The following KIF18B variants were observed in gnomAD, a reference collection of about 807,000 sequenced individuals.
KIF18B encodes the protein kinesin family member 18B.
KIF18B carries 49 observed loss-of-function variants against 80.9 expected under a neutral mutation model. The ratio of observed to expected loss-of-function variants is 0.61; its 90% CI spans 0.48 to 0.77. KIF18B has a LOEUF of 0.77. KIF18B is among the 30% of genes least tolerant of loss of function. The pLI is 0.00. For missense variants in KIF18B, 994 were observed against 1,127.7 expected (o/e 0.88, Z 1.70); for synonymous variants, 439 against 463.9 (o/e 0.95, Z 0.69).
At chr17:44,933,038 A>G in intron 7 of KIF18B, 52 bp from the exon 8 acceptor site, 1 of 1,545,726 alleles carries the variant, frequency 6.5e-7, no homozygotes, top group Non-Finnish European at 8.9e-7. Flanking sequence ...AGCAGCTTTT[A>G]TCAGCCACCG....
rs781348504 is a variant in KIF18B at position 44,939,366 on chromosome 17, C to CAAAAAAAA, written c.-14-3016_-14-3009dup. On this transcript the variant is annotated intron_variant, in intron 1 of 15. Coordinates refer to ENST00000593135, the MANE Select transcript of KIF18B (RefSeq NM_001265577.2). ...AGCCTGGGTGACAGAGACTCCATCTCAAAAAAAAAAAAAAAAAAAAAAAAA... is the reference window on the plus strand; with the variant it reads ...AGCCTGGGTGACAGAGACTCCATCTCAAAAAAAAAAAAAAAAAAAAAAAAAAAAAAAAA... 5.4e-3 allele frequency among the ~76,000 whole-genome samples: 200 copies of CAAAAAAAA among 36,928 alleles called. 8 individuals carry two copies. The highest frequency in any genetic ancestry group is 7.9e-3 in the East Asian group (8 of 1,010). 24.2% of individuals were successfully genotyped at this position (36,928 alleles called of 152,430 possible). A position where few individuals can be genotyped will look rare whatever the true frequency, so the allele number is the denominator to read the frequency against.
At chr17:44,939,366 CAAAAAAAAAAAAAAAA>C (rs781348504) in intron 1 of KIF18B, among the ~76,000 whole-genome samples, 2 of 36,942 alleles carry the variant, frequency 5.4e-5, no homozygotes, top group African/African-American at 2.1e-4. Context: ...GACTCCATCT[CAAAAAAAAAAAAAAAA>C]AAAAAAAAAA....
Position 44,927,209 on chromosome 17 carries a change from C to T in KIF18B, c.2277-131G>A. ...GACAAGATGACCTCTGAGGTTTCTT[C>T]TACAAAGAGGTGGATTCCTCTCTCT... On this transcript the variant is annotated intron_variant, in intron 13 of 15. Coordinates refer to ENST00000593135, the MANE Select transcript of KIF18B (RefSeq NM_001265577.2). The surrounding 1 kb of genome is among the most constrained non-coding windows in gnomAD (Gnocchi z 4.1). The T allele has an allele frequency of 3.1e-6, 2 of 638,946 alleles. No homozygotes were observed. Among genetic ancestry groups the T allele is most frequent in the Non-Finnish European group, 5.4e-6 (2 of 372,014 alleles). The allele number at this position is 638,946 out of a possible 1,614,324, so 39.6% of individuals were successfully genotyped here.
chr17:44,940,613 T>G (rs574812739), intron 1 of KIF18B, among the ~76,000 whole-genome samples: 1 of 152,306 alleles, frequency 6.6e-6, no homozygotes, highest in Non-Finnish European at 1.5e-5. Context: ...CTGGAAAAGT[T>G]CAGCCCAACT....
In KIF18B at chr17:44,934,964, A is replaced by G; in HGVS notation, c.472-29T>C. 1 of 1,456,974 alleles carries G rather than the reference A, an allele frequency of 6.9e-7. No individual in the cohort carries two copies. The highest frequency in any genetic ancestry group is 1.2e-5 in the South Asian group (1 of 80,448). 90.3% of individuals were successfully genotyped at this position (1,456,974 alleles called of 1,614,324 possible). On this transcript the variant is annotated intron_variant, in intron 3 of 15. Coordinates refer to ENST00000593135, the MANE Select transcript of KIF18B (RefSeq NM_001265577.2). The surrounding 1 kb of genome is among the most constrained non-coding windows in gnomAD (Gnocchi z 5.4). ...AGAAAGGAAGAAAGGAAGAGGCCTGAGGGAGAGCGGCCCATCAGGAAACCT... is the reference window on the plus strand; with the variant it reads ...AGAAAGGAAGAAAGGAAGAGGCCTGGGGGAGAGCGGCCCATCAGGAAACCT...
chr17:44,932,853 C>T, intron 8 of KIF18B, 59 bp downstream of exon 8: 1 of 1,583,508 alleles, frequency 6.3e-7, no homozygotes, highest in South Asian at 1.1e-5. Context: ...CCGCCACACC[C>T]TCAAGCTCCT....
rs2052027136 is a variant in KIF18B at position 44,926,433 on chromosome 17, A to C, written c.2433T>G (p.Ala811=). The C allele has an allele frequency of 3.8e-6, 6 of 1,579,674 alleles. No homozygotes were observed. The highest frequency in any genetic ancestry group is 5.2e-6 in the Non-Finnish European group (6 of 1,163,032). Residue 811 remains alanine (A), a synonymous_variant, in exon 15 of 16, where the codon GCT becomes GCG. Transcript: ENST00000593135. The part of the protein sequence containing the change: ...RLPSSTLKRP[A]GPLVLPELPL... ...AGTCACCTGGGAGTACAAGGGGCCC[A>C]GCTGGCCTCTTCAAAGTGCTGCTGG...
At chr17:44,936,996 A>G (rs547207492) in intron 1 of KIF18B, among the ~76,000 whole-genome samples, 2 of 150,584 alleles carry the variant, frequency 1.3e-5, no homozygotes, top group Admixed American at 1.3e-4. Context: ...ATGTTCCACA[A>G]ATCCATTTGT....
intron 10 of KIF18B, 34 bp downstream of exon 10, chr17:44,932,022 C>G (rs1335750793): frequency 1.3e-6 from 2 of 1,583,388 alleles, no homozygotes; most frequent in Non-Finnish European, 1.7e-6. Context: ...TCCAAGCCCT[C>G]CCGATACCCA....
Position 44,932,645 on chromosome 17 carries a change from G to T in KIF18B, c.1238+28C>A, listed in dbSNP as rs377527109. 5.4e-5 allele frequency: 67 copies of T among 1,234,042 alleles called. 2 individuals are homozygous for T. In the African/African-American group the frequency reaches 8.3e-4, roughly 15 times the overall value. 76.4% of individuals were successfully genotyped at this position (1,234,042 alleles called of 1,614,324 possible). On this transcript the variant is annotated intron_variant, in intron 9 of 15. Coordinates refer to ENST00000593135, the MANE Select transcript of KIF18B (RefSeq NM_001265577.2). ...CCCCATCCTGGCTGAGCTGCAGGGTGGGGGCGGGAATGGGCAGTGGAACTC... is the reference window on the plus strand; with the variant it reads ...CCCCATCCTGGCTGAGCTGCAGGGTTGGGGCGGGAATGGGCAGTGGAACTC...
rs1379181215 is a variant in KIF18B, at chr17:44,928,045, C to A, written c.2257G>T (p.Asp753Tyr). ...ACCCACCTGGGGATGAAGGGCTGGT[C>A]CAGCCTGCTCAGCTCCTGGGGTATT... ...DKIPQELSRL[D>Y]QPFIPRAPVP... is the part of the protein sequence containing the mutation. Residue 753 changes from aspartate (D) to tyrosine (Y), a missense_variant, in exon 13 of 16, where the codon GAC becomes TAC. By Grantham distance (160) the Asp-to-Tyr change is radical. Transcript: ENST00000593135. The A allele has an allele frequency of 2.6e-6, 4 of 1,523,184 alleles. No individual in the cohort carries two copies. The Admixed American group carries it at 6.5e-5, about 25-fold the overall frequency. 94.4% of individuals were successfully genotyped at this position (1,523,184 alleles called of 1,614,324 possible).
chr17:44,925,776 A>G lies in KIF18B; in HGVS notation c.*304T>C, dbSNP rs2052012209. 1.3e-5 allele frequency: 5 copies of G among 385,802 alleles called. No individual in the cohort carries two copies. The highest frequency in any genetic ancestry group is 7.5e-5 in the South Asian group (3 of 40,024). The allele number at this position is 385,802 out of a possible 1,614,324, so 23.9% of individuals were successfully genotyped here. On this transcript the variant is annotated 3_prime_UTR_variant, in exon 16 of 16. Transcript: ENST00000593135. ...AGCCTGGGCGACAGAGTAAGACTCC[A>G]TCTCAAAACAAAAAAAACAAAAAAC... is the stretch of plus-strand genomic sequence containing the variant.
In KIF18B at chr17:44,928,044, T is replaced by C. The variant is rs2052065023; in HGVS notation, c.2258A>G (p.Asp753Gly). The change falls in exon 13 of 16, where the codon GAC becomes GGC. Residue 753 changes from aspartate to glycine, a missense_variant. Transcript: ENST00000593135. ...DKIPQELSRL[D>G]QPFIPRAPVP... ...GACCCACCTGGGGATGAAGGGCTGG[T>C]CCAGCCTGCTCAGCTCCTGGGGTAT... 6.6e-7 allele frequency: 1 copy of C among 1,523,228 alleles called. No individual in the cohort carries two copies. Among genetic ancestry groups the C allele is most frequent in the Admixed American group, 2.2e-5 (1 of 45,924 alleles). 94.4% of individuals were successfully genotyped at this position (1,523,228 alleles called of 1,614,324 possible). A position where few individuals can be genotyped will look rare whatever the true frequency, so the allele number is the denominator to read the frequency against.
chr17:44,926,345 G>A (rs758335577), intron 15 of KIF18B, 69 bp downstream of exon 15: 197 of 1,553,198 alleles, frequency 1.3e-4, no homozygotes, highest in Non-Finnish European at 1.6e-4. Context: ...TCAGCTCCCC[G>A]TCCCCTCCTC....
rs1241537988 is a variant in KIF18B, at chr17:44,936,157, T to G, written c.188A>C (p.Lys63Thr). 2.5e-6 allele frequency: 4 copies of G among 1,613,434 alleles called. No homozygotes were observed. The South Asian group carries it at 3.3e-5, about 13-fold the overall frequency. ...GACAAACGTCAGGTCTTTGCCCTTC[T>G]TCTTGGGGCCATCATGGGTGCCACC... ...KWGGTHDGPK[K>T]KGKDLTFVFD... The change falls in exon 2 of 16, where the codon AAG becomes ACG. Residue 63 changes from lysine (K) to threonine (T), a missense_variant. By Grantham distance (78) the Lys-to-Thr change is moderately conservative. Transcript: ENST00000593135.
intron 2 of KIF18B, 106 bp from the exon 3 acceptor site, chr17:44,935,522 C>T (rs749232567): frequency 8.4e-6 from 10 of 1,195,336 alleles, no homozygotes; most frequent in Non-Finnish European, 1.2e-5. Context: ...TTCCCTGGTC[C>T]ATTAATCCCA....
Position 44,932,174 on chromosome 17 carries a change from G to A in KIF18B, c.1271C>T (p.Pro424Leu). The A allele has an allele frequency of 6.2e-7, 1 of 1,612,788 alleles. No individual in the cohort carries two copies. Residue 424 changes from proline (P) to leucine (L), a missense_variant, in exon 10 of 16, where the codon CCT (proline) becomes CTT (leucine). By Grantham distance (98) the Pro-to-Leu change is moderately conservative. Transcript: ENST00000593135. ...QPCTPELPAG[P>L]RALQEESLGM... ...CAGACTCTCCTCTTGAAGGGCTCTA[G>A]GCCCTGCAGGGAGCTCTGGGGTGCA...
At chr17:44,926,868 A>G in intron 14 of KIF18B, 121 bp downstream of exon 14, 1 of 838,816 alleles carries the variant, frequency 1.2e-6, no homozygotes, top group Non-Finnish European at 1.9e-6. Flanking sequence ...ACAGGACCTC[A>G]GCTGCTTGCT....
chr17:44,926,650 G>A (rs1405254093), intron 14 of KIF18B, among the ~76,000 whole-genome samples, 151 bp from the exon 15 acceptor site: 1 of 152,218 alleles, frequency 6.6e-6, no homozygotes, highest in African/African-American at 2.4e-5. Flanking sequence ...TGGATCTAAG[G>A]GTGGGAGAGG....
Sources: gnomAD v4.1 joint callset for allele counts (sites outside exome capture counted in the v4.1 genomes callset) on GRCh38, gnomAD v4.1.1 for gene constraint, Gnocchi (gnomAD v3.1) non-coding constraint, MANE v1.5 for transcripts, NCBI Gene and HGNC (gene_info 2026-07-23, HGNC 2026-07-21) for gene names.